The following GRID2 variants were observed in gnomAD, a reference collection of about 807,000 sequenced individuals.
The protein encoded by GRID2 is glutamate ionotropic receptor delta type subunit 2.
In GRID2, 33 loss-of-function variants were observed where a neutral mutation model predicts 114.8. That is an observed-to-expected ratio of 0.29 (90% confidence interval 0.22 to 0.38). The LOEUF is 0.38. GRID2 is among the 10% of genes least tolerant of loss of function. GRID2 has a pLI of 1.00. For missense variants in GRID2, 1,184 were observed against 1,257.7 expected (o/e 0.94, Z 0.89); for synonymous variants, 505 against 449.9 (o/e 1.12, Z -1.55).
chr4:92,651,650 C>A (rs1211068212), intron 2 of GRID2, among the ~76,000 whole-genome samples: 1 of 152,090 alleles, frequency 6.6e-6, no homozygotes, highest in African/African-American at 2.4e-5. Context: ...CAATCATGTT[C>A]CTTCCAAGTC....
At chr4:93,060,719 A>G (rs1462833191) in intron 2 of GRID2, among the ~76,000 whole-genome samples, 1 of 152,168 alleles carries the variant, frequency 6.6e-6, no homozygotes, top group Non-Finnish European at 1.5e-5. Context: ...TTTGTTTTTC[A>G]AAAATAAATT....
At chr4:92,417,811 G>T (rs1731694389) in intron 1 of GRID2, among the ~76,000 whole-genome samples, 1 of 152,144 alleles carries the variant, frequency 6.6e-6, no homozygotes, top group Non-Finnish European at 1.5e-5. Context: ...GGAAGTAATT[G>T]AATCATGAGG....
intron 8 of GRID2, among the ~76,000 whole-genome samples, chr4:93,255,672 C>A (rs1014545104): frequency 7.2e-5 from 11 of 152,078 alleles, no homozygotes; most frequent in African/African-American, 2.7e-4. Flanking sequence ...AAAGCCAACA[C>A]CTTGGGTCTT....
chr4:93,112,765 G>A (rs912363161), intron 4 of GRID2, among the ~76,000 whole-genome samples: 1 of 152,076 alleles, frequency 6.6e-6, no homozygotes, highest in Non-Finnish European at 1.5e-5. Context: ...CCTTCTGAGG[G>A]GTGTGAGGGA....
intron 2 of GRID2, among the ~76,000 whole-genome samples, chr4:92,910,683 C>G (rs1033548850): frequency 2.6e-5 from 4 of 152,022 alleles, no homozygotes; most frequent in African/African-American, 7.2e-5. Flanking sequence ...GTTTTAGGAC[C>G]TCTTTTCATA....
intron 2 of GRID2, among the ~76,000 whole-genome samples, chr4:92,895,392 T>TATATATATATATATATATATATATATAC (rs1747091428): frequency 7.0e-6 from 1 of 143,792 alleles, no homozygotes; most frequent in Non-Finnish European, 1.5e-5. Flanking sequence ...AACATATATA[T>TATATATATATATATATATATATATATAC]ATATATATAT....
At chr4:93,143,057 A>C (rs1215678793) in intron 4 of GRID2, among the ~76,000 whole-genome samples, 1 of 152,224 alleles carries the variant, frequency 6.6e-6, no homozygotes, top group East Asian at 1.9e-4. Flanking sequence ...CTTTTATAAT[A>C]GGCTGCAAGA....
intron 14 of GRID2, among the ~76,000 whole-genome samples, chr4:93,660,905 T>C (rs920360973): frequency 1.3e-5 from 2 of 152,030 alleles, no homozygotes; most frequent in Non-Finnish European, 2.9e-5. Context: ...ACTGAGACTG[T>C]TAGAAAACCT....
intron 1 of GRID2, among the ~76,000 whole-genome samples, chr4:92,529,650 T>C (rs1725232808): frequency 6.6e-6 from 1 of 152,002 alleles, no homozygotes; most frequent in African/African-American, 2.4e-5. Flanking sequence ...AGGGATTGGG[T>C]TGTGAAAGGC....
intron 8 of GRID2, among the ~76,000 whole-genome samples, chr4:93,343,696 G>T (rs1480464725): frequency 6.6e-6 from 1 of 151,760 alleles, no homozygotes; most frequent in Non-Finnish European, 1.5e-5. Flanking sequence ...TTAAATGTTT[G>T]GTAGATTTGG....
chr4:92,962,636 T>C (rs1049555735), intron 2 of GRID2, among the ~76,000 whole-genome samples: 2 of 151,952 alleles, frequency 1.3e-5, no homozygotes, highest in Non-Finnish European at 2.9e-5. Flanking sequence ...AATGGTTACT[T>C]TCTCCCTTCC....
chr4:93,613,846 C>G (rs1041325408), intron 13 of GRID2, among the ~76,000 whole-genome samples: 3 of 151,956 alleles, frequency 2.0e-5, no homozygotes, highest in Admixed American at 1.3e-4. Flanking sequence ...CCACCCAGTT[C>G]GAGCTTCCAG....
At chr4:93,524,470 C>A (rs908306093) in intron 13 of GRID2, among the ~76,000 whole-genome samples, 1 of 152,064 alleles carries the variant, frequency 6.6e-6, no homozygotes, top group Non-Finnish European at 1.5e-5. Flanking sequence ...TCATTTCCAG[C>A]AGCCGTGCTA....
chr4:93,788,114 C>T (rs1734628286), intron 1 of GRID2, among the ~76,000 whole-genome samples: 1 of 152,010 alleles, frequency 6.6e-6, no homozygotes, highest in Non-Finnish European at 1.5e-5. Flanking sequence ...GTCAGGAGTT[C>T]AAGACCAGCC....
At chr4:93,134,016 G>A (rs1200261185) in intron 4 of GRID2, among the ~76,000 whole-genome samples, 1 of 152,100 alleles carries the variant, frequency 6.6e-6, no homozygotes, top group Admixed American at 6.6e-5. Context: ...ATTTTAATTA[G>A]CATCTAATGC....
chr4:93,592,088 C>A (rs1008818085), intron 13 of GRID2, among the ~76,000 whole-genome samples: 10 of 152,056 alleles, frequency 6.6e-5, no homozygotes, highest in Non-Finnish European at 1.2e-4. Flanking sequence ...TTATTTCTTG[C>A]CTTCTGCTAC....
At chr4:92,389,158 T>C (rs756462147) in intron 1 of GRID2, among the ~76,000 whole-genome samples, 7 of 147,574 alleles carry the variant, frequency 4.7e-5, no homozygotes, top group Admixed American at 2.1e-4. Flanking sequence ...TAATAAGATA[T>C]ATTTCTGTAA....
chr4:93,432,270 G>A (rs917818123), intron 10 of GRID2, among the ~76,000 whole-genome samples: 11 of 152,184 alleles, frequency 7.2e-5, no homozygotes, highest in Admixed American at 2.0e-4. Context: ...CCAAGTCTAG[G>A]AGCAGAGATG....
chr4:93,199,941 C>A (rs1741894095), intron 4 of GRID2, among the ~76,000 whole-genome samples: 1 of 152,152 alleles, frequency 6.6e-6, no homozygotes, highest in Non-Finnish European at 1.5e-5. Context: ...GTTTCCTGTA[C>A]CTTGAGAAGG....
Sources: allele counts gnomAD v4.1 joint callset (sites outside exome capture counted in the v4.1 genomes callset), GRCh38; gene constraint gnomAD v4.1.1; transcripts MANE v1.5; gene names NCBI Gene and HGNC (gene_info 2026-07-23, HGNC 2026-07-21).